ANKHD1: variants seen among roughly 807,000 people sequenced by gnomAD.
The protein encoded by ANKHD1 is ankyrin repeat and KH domain containing 1.
Under a neutral mutation model 230.5 loss-of-function variants are expected in ANKHD1, and 31 were observed. That is an observed-to-expected ratio of 0.13 (90% confidence interval 0.10 to 0.18). ANKHD1 has a LOEUF of 0.18. ANKHD1 is among the 10% of genes least tolerant of loss of function. ANKHD1 has a pLI of 1.00. For synonymous variants in ANKHD1, 1,074 were observed against 1,117.6 expected, an observed-to-expected ratio of 0.96 and a Z score of 0.78; for missense variants, 2,256 against 3,071.3, an observed-to-expected ratio of 0.73 and a Z score of 6.27.
Position 140,485,861 on chromosome 5 carries a change from C to T in ANKHD1, c.2142+129C>T, listed in dbSNP as rs1436180103. On this transcript the variant is annotated intron_variant, in intron 13 of 33. Transcript: ENST00000360839. This position sits in a 1 kb window ranked among gnomAD's most constrained non-coding sequence, Gnocchi z 4.8. ...CTGTTACATATTGAGAAAATCATGACTCTAAATTCTTTAGGATTTATTTTC... is the reference window on the plus strand; with the variant it reads ...CTGTTACATATTGAGAAAATCATGATTCTAAATTCTTTAGGATTTATTTTC... 2 of 1,319,668 alleles carry T rather than the reference C, an allele frequency of 1.5e-6. No individual in the cohort carries two copies. Among genetic ancestry groups the T allele is most frequent in the Non-Finnish European group, 2.0e-6 (2 of 976,786 alleles). The allele number at this position is 1,319,668 out of a possible 1,614,324, so 81.7% of individuals were successfully genotyped here.
rs79140594 is a variant in ANKHD1 at position 140,539,189 on chromosome 5, C to T, written c.7569+106C>T. The T allele has an allele frequency of 1.7e-3, 2,555 of 1,508,142 alleles. 26 individuals are homozygous for T. In the African/African-American group the frequency reaches 0.03, roughly 18 times the overall value. 93.4% of individuals were successfully genotyped at this position (1,508,142 alleles called of 1,614,324 possible). A position where few individuals can be genotyped will look rare whatever the true frequency, so the allele number is the denominator to read the frequency against. On this transcript the variant is annotated intron_variant, in intron 33 of 33. Coordinates refer to ENST00000360839, the MANE Select transcript of ANKHD1 (RefSeq NM_017747.3). The stretch of plus-strand genomic sequence containing the variant: ...TATCAAAAGTCATAATTGACCATTT[C>T]GATCTGGATTGCTTTTTCAATATCA...
chr5:140,438,567 A>G lies in ANKHD1; in HGVS notation c.567A>G (p.Ala189=). ...VSCALDEAAA[A]LTRMKAENSH... is the part of the protein sequence containing the mutation. ...GTGCACTGGATGAAGCTGCTGCTGC[A>G]CTGACACGGATGAAAGCAGAAAACA... is the stretch of plus-strand genomic sequence containing the variant. The change falls in exon 3 of 34, where the codon GCA becomes GCG. Residue 189 remains alanine (A), a synonymous_variant. Transcript: ENST00000360839. 6.2e-7 allele frequency: 1 copy of G among 1,612,974 alleles called. No individual in the cohort carries two copies. Among genetic ancestry groups the G allele is most frequent in the Non-Finnish European group, 8.5e-7 (1 of 1,179,278 alleles).
intron 10 of ANKHD1, among the ~76,000 whole-genome samples, chr5:140,475,394 A>G (rs986122183): frequency 1.3e-5 from 2 of 152,338 alleles, no homozygotes; most frequent in East Asian, 1.9e-4. Context: ...CACATGTAGT[A>G]CATCAGTAGA....
chr5:140,460,031 A>G (rs1454686401), intron 9 of ANKHD1, among the ~76,000 whole-genome samples: 1 of 151,910 alleles, frequency 6.6e-6, no homozygotes, highest in Admixed American at 6.6e-5. Flanking sequence ...TGGAAGGGAG[A>G]TGTTAGTTTC....
At chr5:140,446,092 T>C (rs1404265894) in intron 6 of ANKHD1, 117 bp downstream of exon 6, 4 of 1,039,234 alleles carry the variant, frequency 3.8e-6, no homozygotes, top group Admixed American at 7.3e-5. Context: ...TATAAAATTA[T>C]CTAGTTTATA....
chr5:140,424,899 A>G (rs200204822), intron 1 of ANKHD1, among the ~76,000 whole-genome samples: 105 of 152,298 alleles, frequency 6.9e-4, no homozygotes, highest in African/African-American at 2.4e-3. Context: ...AGATCCTCAC[A>G]TGGTTTTGTG....
intron 15 of ANKHD1, among the ~76,000 whole-genome samples, chr5:140,499,359 A>T (rs189825632): frequency 5.3e-4 from 81 of 152,230 alleles, no homozygotes; most frequent in African/African-American, 1.6e-3. Context: ...ATTATAGAGT[A>T]GGACAAATAT....
intron 1 of ANKHD1, among the ~76,000 whole-genome samples, chr5:140,414,032 C>T (rs1473537108): frequency 4.6e-5 from 7 of 152,062 alleles, no homozygotes; most frequent in African/African-American, 1.4e-4. Context: ...CCACTCGCCT[C>T]GACCTCCTAA....
chr5:140,419,773 T>TC (rs1319385091), intron 1 of ANKHD1, among the ~76,000 whole-genome samples: 7 of 134,724 alleles, frequency 5.2e-5, no homozygotes, highest in African/African-American at 2.0e-4. Context: ...CTTTCCTTTC[T>TC]TTTTCTTTCT....
In ANKHD1 at chr5:140,477,645, C is replaced by G. The variant is rs187177200; in HGVS notation, c.1783-4935C>G. Among the ~76,000 whole-genome samples the G allele has an allele frequency of 3.0e-3, 451 of 151,232 alleles. 3 individuals are homozygous for G. Among genetic ancestry groups the G allele is most frequent in the South Asian group, 0.018 (89 of 4,822 alleles). On this transcript the variant is annotated intron_variant, in intron 10 of 33. Transcript: ENST00000360839. ...CTTTTTGTTTTGAGACGGAGTCTCA[C>G]TCTGTCACCAGGCTGGAGTGCAGTG...
At chr5:140,519,257 C>T (rs2082151655) in intron 24 of ANKHD1, among the ~76,000 whole-genome samples, 1 of 152,114 alleles carries the variant, frequency 6.6e-6, no homozygotes, top group South Asian at 2.1e-4. Flanking sequence ...AACTACAAAC[C>T]ACTGCTCAGT....
chr5:140,437,828 A>G (rs1216269496), intron 2 of ANKHD1, among the ~76,000 whole-genome samples: 1 of 152,216 alleles, frequency 6.6e-6, no homozygotes, highest in Non-Finnish European at 1.5e-5. Context: ...CACACCTCAG[A>G]CATTGTTTTG....
intron 1 of ANKHD1, among the ~76,000 whole-genome samples, chr5:140,433,611 T>C (rs1336099744): frequency 6.6e-6 from 1 of 152,152 alleles, no homozygotes; most frequent in Non-Finnish European, 1.5e-5. Context: ...GTTGGAGTCT[T>C]TCTTATTTCT....
intron 10 of ANKHD1, among the ~76,000 whole-genome samples, chr5:140,478,584 G>C (rs948009907): frequency 6.6e-6 from 1 of 152,018 alleles, no homozygotes; most frequent in African/African-American, 2.4e-5. Flanking sequence ...ATATATAGAA[G>C]GTAAAGGTTC....
At chr5:140,533,862 CTTACAGACTTT>C (rs1025684185) in intron 29 of ANKHD1, among the ~76,000 whole-genome samples, 48 of 150,720 alleles carry the variant, frequency 3.2e-4, no homozygotes, top group African/African-American at 1.1e-3. Context: ...TCATTTCCTA[CTTACAGACTTT>C]TTAAAGCCAC....
rs371550206 is a variant in ANKHD1 at position 140,440,977 on chromosome 5, T to C, written c.766-18T>C. ...AGTAAGAATTAACAATTTCTCTGTC[T>C]GTATATGTGTTTTAAAGGTATTGCT... On this transcript the variant is annotated intron_variant, in intron 4 of 33. Coordinates refer to ENST00000360839, the MANE Select transcript of ANKHD1 (RefSeq NM_017747.3). 350 of 1,552,834 alleles carry C rather than the reference T, an allele frequency of 2.3e-4. 1 individual carries two copies. The highest frequency in any genetic ancestry group is 2.9e-4 in the Non-Finnish European group (334 of 1,154,152).
At chr5:140,503,039 T>C (rs1410925584) in intron 15 of ANKHD1, among the ~76,000 whole-genome samples, 1 of 152,214 alleles carries the variant, frequency 6.6e-6, no homozygotes, top group East Asian at 1.9e-4. Context: ...TTATTTAAAC[T>C]AGTAATCTAC....
chr5:140,528,418 G>A lies in ANKHD1; in HGVS notation c.5472G>A (p.Thr1824=), dbSNP rs773867223. ...LVTSQATTLS[T]FQPANKLNKN... is the part of the protein sequence containing the mutation. ...CTTCACAGGCAACAACGTTATCTAC[G>A]TTCCAGCCCGCTAATAAACTTAATA... The change falls in exon 29 of 34, where the codon ACG becomes ACA. Residue 1824 remains threonine, a synonymous_variant. Transcript: ENST00000360839. 9.9e-6 allele frequency: 16 copies of A among 1,613,958 alleles called. No homozygotes were observed. The Admixed American group carries it at 1.2e-4, about 12-fold the overall frequency.
intron 30 of ANKHD1, chr5:140,537,182 A>T: frequency 1.1e-6 from 1 of 873,834 alleles, no homozygotes. Context: ...GTGTAGGATA[A>T]TGTCTATAGA....
Sources: gnomAD v4.1 joint callset for allele counts (sites outside exome capture counted in the v4.1 genomes callset) on GRCh38, gnomAD v4.1.1 for gene constraint, Gnocchi (gnomAD v3.1) non-coding constraint, MANE v1.5 for transcripts, NCBI Gene and HGNC (gene_info 2026-07-23, HGNC 2026-07-21) for gene names.